DENND1A: variants seen among roughly 807,000 people sequenced by gnomAD.
The protein encoded by DENND1A is DENN domain containing 1A, also known as DENN domain-containing protein 1A.
Under a neutral mutation model 113.7 loss-of-function variants are expected in DENND1A, and 51 were observed. The ratio of observed to expected loss-of-function variants is 0.45; its 90% CI spans 0.36 to 0.57. The LOEUF (loss-of-function observed/expected upper bound fraction) is 0.57, where lower values mean the gene tolerates loss of function less well. DENND1A is among the 20% of genes least tolerant of loss of function. DENND1A has a pLI of 0.00. For synonymous variants in DENND1A, 565 were observed against 570.8 expected (o/e 0.99, Z 0.14); for missense variants, 1,258 against 1,395.9 (o/e 0.90, Z 1.57).
intron 5 of DENND1A, among the ~76,000 whole-genome samples, chr9:123,715,515 A>T (rs2066914985): frequency 1.3e-5 from 2 of 152,186 alleles, no homozygotes; most frequent in African/African-American, 4.8e-5. Flanking sequence ...TTCATTAATG[A>T]ATGAGTGAGT....
Position 123,886,500 on chromosome 9 carries a change from C to T in DENND1A, c.18-7479G>A, listed in dbSNP as rs1324786714. Among the ~76,000 whole-genome samples the T allele has an allele frequency of 3.3e-5, 5 of 152,316 alleles. No individual in the cohort carries two copies. In the East Asian group the frequency reaches 7.7e-4, roughly 24 times the overall value. On this transcript the variant is annotated intron_variant, in intron 1 of 23. Transcript: ENST00000394215. ...GTTACAAACTTACATGCTGAAGGGG[C>T]TGAGGTGTACCGTTTAAAAATTCAT...
At chr9:123,864,611 C>T (rs768096136) in intron 2 of DENND1A, among the ~76,000 whole-genome samples, 9 of 152,132 alleles carry the variant, frequency 5.9e-5, no homozygotes, top group Non-Finnish European at 1.2e-4. Context: ...AGCACGTCTG[C>T]TCATAGAAAA....
intron 5 of DENND1A, among the ~76,000 whole-genome samples, chr9:123,709,073 T>A (rs2066415495): frequency 1.3e-5 from 2 of 152,242 alleles, no homozygotes; most frequent in Admixed American, 1.3e-4. Flanking sequence ...TCAAGGGCTG[T>A]CACTCTACAA....
intron 18 of DENND1A, among the ~76,000 whole-genome samples, chr9:123,444,216 G>A (rs1016707975): frequency 6.6e-6 from 1 of 152,142 alleles, no homozygotes; most frequent in African/African-American, 2.4e-5. Flanking sequence ...CCCATTTTTA[G>A]AAATTTATCC....
chr9:123,501,507 G>A (rs764746978), intron 13 of DENND1A, among the ~76,000 whole-genome samples: 10 of 152,128 alleles, frequency 6.6e-5, no homozygotes, highest in Non-Finnish European at 1.5e-4. Flanking sequence ...ATCATATGGC[G>A]ACTGTATTTT....
chr9:123,700,332 G>C (rs1365582881), intron 5 of DENND1A, among the ~76,000 whole-genome samples: 1 of 152,208 alleles, frequency 6.6e-6, no homozygotes, highest in Non-Finnish European at 1.5e-5. Flanking sequence ...TCAATTTGGG[G>C]AGAACTGACA....
At chr9:123,727,693 T>C (rs1035920517) in intron 5 of DENND1A, among the ~76,000 whole-genome samples, 1 of 151,666 alleles carries the variant, frequency 6.6e-6, no homozygotes, top group Non-Finnish European at 1.5e-5. Context: ...GTACCATTCA[T>C]ATTAGCACCA....
chr9:123,556,648 C>A (rs1299193206), intron 13 of DENND1A, among the ~76,000 whole-genome samples: 1 of 152,264 alleles, frequency 6.6e-6, no homozygotes. Context: ...CTGACTCCGA[C>A]TAGGCTGGGT....
intron 13 of DENND1A, among the ~76,000 whole-genome samples, chr9:123,472,766 G>A (rs2049543721): frequency 6.6e-6 from 1 of 152,110 alleles, no homozygotes; most frequent in Admixed American, 6.5e-5. Context: ...CGCCCACCGC[G>A]GCTCCTCATT....
At chr9:123,795,494 A>T (rs1268351680) in intron 2 of DENND1A, among the ~76,000 whole-genome samples, 1 of 152,088 alleles carries the variant, frequency 6.6e-6, no homozygotes, top group Non-Finnish European at 1.5e-5. Flanking sequence ...CATGTACAAA[A>T]CCTAGCACCC....
intron 10 of DENND1A, among the ~76,000 whole-genome samples, chr9:123,622,079 A>G (rs978744879): frequency 2.0e-5 from 3 of 152,198 alleles, no homozygotes; most frequent in African/African-American, 7.2e-5. Flanking sequence ...AAGAAATATG[A>G]GGCATTTTAC....
intron 3 of DENND1A, among the ~76,000 whole-genome samples, chr9:123,774,350 C>A (rs1459311332): frequency 1.3e-5 from 2 of 152,116 alleles, no homozygotes; most frequent in South Asian, 2.1e-4. Flanking sequence ...AAACCAGGGG[C>A]TTCCAGTGAA....
chr9:123,433,177 G>A (rs138002971), intron 19 of DENND1A, among the ~76,000 whole-genome samples: 3 of 152,294 alleles, frequency 2.0e-5, no homozygotes, highest in East Asian at 1.9e-4. Flanking sequence ...AACCTATGAC[G>A]TGGACCCCTC....
At chr9:123,884,938 C>G (rs1200768813) in intron 1 of DENND1A, among the ~76,000 whole-genome samples, 1 of 151,980 alleles carries the variant, frequency 6.6e-6, no homozygotes, top group Non-Finnish European at 1.5e-5. Context: ...TTCCTCTTCT[C>G]TAGGAAGTAT....
chr9:123,452,174 A>G (rs754049498), intron 17 of DENND1A, 102 bp downstream of exon 17: 13 of 1,133,734 alleles, frequency 1.1e-5, no homozygotes, highest in Admixed American at 1.8e-5. Flanking sequence ...AGCCTGGGCA[A>G]CAGAGCAAGA....
intron 13 of DENND1A, among the ~76,000 whole-genome samples, chr9:123,473,877 G>C (rs74771590): frequency 0.11 from 17,067 of 152,122 alleles, 1,099 homozygotes; most frequent in Middle Eastern, 0.15. Flanking sequence ...GGAGGACGCA[G>C]GCTTCGGTGG....
chr9:123,415,412 A>ATG (rs1305574463), intron 19 of DENND1A, among the ~76,000 whole-genome samples: 1 of 152,118 alleles, frequency 6.6e-6, no homozygotes. Flanking sequence ...GGGGGTGCGC[A>ATG]TTGAAGACCC....
intron 9 of DENND1A, among the ~76,000 whole-genome samples, chr9:123,640,403 C>A (rs1483712025): frequency 1.3e-5 from 2 of 152,192 alleles, no homozygotes; most frequent in African/African-American, 4.8e-5. Flanking sequence ...AACACAGCAG[C>A]TTCTTAGGCC....
chr9:123,413,690 G>A (rs1041974234), intron 19 of DENND1A: 52 of 985,418 alleles, frequency 5.3e-5, no homozygotes, highest in Admixed American at 6.1e-5. Context: ...TTAGCTGGGC[G>A]TGAGGGCTGA....
Sources: gnomAD v4.1 joint callset for allele counts (sites outside exome capture counted in the v4.1 genomes callset) on GRCh38, gnomAD v4.1.1 for gene constraint, MANE v1.5 for transcripts, NCBI Gene and HGNC (gene_info 2026-07-23, HGNC 2026-07-21) for gene names.